The following SP4 variants were observed in gnomAD, a reference collection of about 807,000 sequenced individuals.
The protein encoded by SP4 is Sp4 transcription factor.
A neutral mutation model predicts 72.8 loss-of-function variants in SP4; 19 were observed. The observed-to-expected ratio is 0.26, with a 90% CI of 0.18 to 0.38. The LOEUF (loss-of-function observed/expected upper bound fraction) is 0.38. Among genes scored for constraint, SP4 ranks in the 10% least tolerant of loss-of-function variants. The pLI is 1.00. For synonymous variants in SP4, 395 were observed against 333.1 expected (o/e 1.19, Z -2.02); for missense variants, 1,008 against 926.3 (o/e 1.09, Z -1.14).
Position 21,430,666 on chromosome 7 carries a change from T to C in SP4, c.1501T>C (p.Ser501Pro). ...ACAATTAACCATCACCCCAGTGTCT[T>C]CAAGTGGTGGCACAACTCTTGCTCA... ...SQQLTITPVSSSGGTTLAQIA... is the reference protein window; with the variant it reads ...SQQLTITPVSPSGGTTLAQIA... Residue 501 changes from serine to proline, a missense_variant, in exon 3 of 6, where the codon TCA (serine) becomes CCA (proline). Transcript: ENST00000222584. 1 of 1,614,230 alleles carries C rather than the reference T, an allele frequency of 6.2e-7. No homozygotes were observed. The highest frequency in any genetic ancestry group is 8.5e-7 in the Non-Finnish European group (1 of 1,180,042).
In SP4 at chr7:21,511,146, G is replaced by C; in HGVS notation, c.2232G>C (p.Ser744=). 6.2e-7 allele frequency: 1 copy of C among 1,614,122 alleles called. No homozygotes were observed. Among genetic ancestry groups the C allele is most frequent in the Non-Finnish European group, 8.5e-7 (1 of 1,180,020 alleles). Residue 744 remains serine (S), a synonymous_variant, in exon 6 of 6, where the codon TCG becomes TCC. Transcript: ENST00000222584. The part of the protein sequence containing the change: ...GGGTALAIVT[S]GELDSSVTEV... ...GGACAGCTCTTGCCATTGTTACCTC[G>C]GGAGAACTGGACTCATCTGTTACAG...
intron 3 of SP4, among the ~76,000 whole-genome samples, chr7:21,469,687 G>A (rs1251321546): frequency 6.6e-6 from 1 of 151,582 alleles, no homozygotes; most frequent in African/African-American, 2.4e-5. Context: ...GACTACAGGT[G>A]CCCGCCACCA....
Position 21,429,757 on chromosome 7 carries a change from C to T in SP4, c.592C>T (p.Leu198Phe), listed in dbSNP as rs1330016386. ...ACAGGATTTGCAGGGTCAAATTCAG[C>T]TCATTTCTGCAGGTAATAATCAAGC... ...SLQDLQGQIQ[L>F]ISAGNNQAIL... The change falls in exon 3 of 6, where the codon CTC becomes TTC. Residue 198 changes from leucine to phenylalanine, a missense_variant. Physicochemically the swap from Leu to Phe is conservative, Grantham distance 22 (BLOSUM62 0). This residue lies in a region of SP4 where 893 missense variants were observed against 743.3 expected (regional missense o/e 1.20). Coordinates refer to ENST00000222584, the MANE Select transcript of SP4 (RefSeq NM_003112.5). The T allele has an allele frequency of 1.2e-6, 2 of 1,614,078 alleles. No individual in the cohort carries two copies. The highest frequency in any genetic ancestry group is 1.1e-5 in the South Asian group (1 of 91,088).
intron 5 of SP4, among the ~76,000 whole-genome samples, chr7:21,502,856 A>G (rs536404873): frequency 6.6e-6 from 1 of 152,206 alleles, no homozygotes; most frequent in East Asian, 1.9e-4. Flanking sequence ...GTCTGCCCCT[A>G]ACCCATATAA....
intron 3 of SP4, among the ~76,000 whole-genome samples, chr7:21,463,253 G>A (rs997162380): frequency 2.6e-5 from 4 of 152,082 alleles, no homozygotes; most frequent in African/African-American, 9.7e-5. Context: ...TCTACAGATT[G>A]TAAGGTGCAA....
At chr7:21,509,775 C>T (rs942026791) in intron 5 of SP4, among the ~76,000 whole-genome samples, 1 of 152,104 alleles carries the variant, frequency 6.6e-6, no homozygotes, top group Admixed American at 6.6e-5. Context: ...AAGTCAAAAG[C>T]AGGGCCAAGA....
chr7:21,432,194 G>A (rs1782881830), intron 3 of SP4, among the ~76,000 whole-genome samples: 1 of 152,138 alleles, frequency 6.6e-6, no homozygotes, highest in Non-Finnish European at 1.5e-5. Context: ...CTAGTGGCAA[G>A]GACAGTCATC....
rs190299528 is a variant in SP4, at chr7:21,468,308, G to T, written c.1679-8771G>T. 3.9e-5 allele frequency among the ~76,000 whole-genome samples: 6 copies of T among 152,134 alleles called. No homozygotes were observed. The East Asian group carries it at 9.7e-4, about 24-fold the overall frequency. ...TAGCAGACTTTCATGGAAAAGTTTC[G>T]AATTAAATTTGTGATTGCATTCACT... On this transcript the variant is annotated intron_variant, in intron 3 of 5. Transcript: ENST00000222584.
intron 3 of SP4, among the ~76,000 whole-genome samples, chr7:21,457,650 A>G (rs2128400748): frequency 6.6e-6 from 1 of 152,334 alleles, no homozygotes; most frequent in East Asian, 1.9e-4. Context: ...AAGATGATGA[A>G]GCACATTGAG....
At chr7:21,432,199 G>A (rs1169025703) in intron 3 of SP4, among the ~76,000 whole-genome samples, 5 of 152,166 alleles carry the variant, frequency 3.3e-5, no homozygotes, top group African/African-American at 1.2e-4. Flanking sequence ...GGCAAGGACA[G>A]TCATCTAGTT....
At chr7:21,496,154 A>G (rs1397966693) in intron 5 of SP4, among the ~76,000 whole-genome samples, 2 of 151,938 alleles carry the variant, frequency 1.3e-5, no homozygotes, top group Admixed American at 6.6e-5. Context: ...AGTGATAGCA[A>G]CTCTTCTGTG....
intron 5 of SP4, among the ~76,000 whole-genome samples, chr7:21,485,363 T>C (rs1470626425): frequency 1.3e-5 from 2 of 151,978 alleles, no homozygotes; most frequent in Non-Finnish European, 2.9e-5. Flanking sequence ...TTCAAAACAA[T>C]ATATGCATAT....
chr7:21,496,613 G>A (rs970738106), intron 5 of SP4, among the ~76,000 whole-genome samples: 3 of 152,192 alleles, frequency 2.0e-5, no homozygotes, highest in African/African-American at 4.8e-5. Flanking sequence ...GTGACTCGAT[G>A]TGACTCTCTG....
At chr7:21,490,107 C>G (rs868633049) in intron 5 of SP4, among the ~76,000 whole-genome samples, 1 of 152,184 alleles carries the variant, frequency 6.6e-6, no homozygotes, top group East Asian at 1.9e-4. Context: ...TATTTGTTTT[C>G]TTAAGTATCT....
intron 3 of SP4, among the ~76,000 whole-genome samples, chr7:21,461,713 G>C (rs574837381): frequency 1.8e-3 from 275 of 152,338 alleles, no homozygotes; most frequent in Non-Finnish European, 3.1e-3. Flanking sequence ...GTGGGCTGAA[G>C]GGCTCCTCAA....
rs771599419 is a variant in SP4 at position 21,430,446 on chromosome 7, C to A, written c.1281C>A (p.Leu427=). The A allele has an allele frequency of 6.2e-7, 1 of 1,614,174 alleles. No homozygotes were observed. Among genetic ancestry groups the A allele is most frequent in the Non-Finnish European group, 8.5e-7 (1 of 1,180,036 alleles). ...CTATTCCACCACAGTCGTTTCAACT[C>A]CAGTCAGGGCAGACGATTCAGACCA... The part of the protein sequence containing the change: ...IQAIPPQSFQ[L]QSGQTIQTIQ... The change falls in exon 3 of 6, where the codon CTC becomes CTA. Residue 427 remains leucine, a synonymous_variant. Coordinates refer to ENST00000222584, the MANE Select transcript of SP4 (RefSeq NM_003112.5).
intron 4 of SP4, among the ~76,000 whole-genome samples, chr7:21,480,572 A>G (rs1044505366): frequency 6.6e-6 from 1 of 152,092 alleles, no homozygotes; most frequent in African/African-American, 2.4e-5. Flanking sequence ...GTTGGTAGTG[A>G]TATCTCCTCT....
intron 5 of SP4, among the ~76,000 whole-genome samples, chr7:21,508,742 G>A (rs1222055905): frequency 6.6e-6 from 1 of 151,952 alleles, no homozygotes; most frequent in Non-Finnish European, 1.5e-5. Context: ...ACCAAGACCA[G>A]GCTTGCCAAC....
At chr7:21,497,916 A>G (rs902106413) in intron 5 of SP4, among the ~76,000 whole-genome samples, 2 of 152,200 alleles carry the variant, frequency 1.3e-5, no homozygotes, top group African/African-American at 2.4e-5. Context: ...TCAAATCTCA[A>G]CCAGTTTCTC....
Sources: gnomAD v4.1 joint callset for allele counts (sites outside exome capture counted in the v4.1 genomes callset) on GRCh38, gnomAD v4.1.1 for gene constraint, gnomAD v4.1.1 regional missense constraint, MANE v1.5 for transcripts, NCBI Gene and HGNC (gene_info 2026-07-23, HGNC 2026-07-21) for gene names.